DCDC2C: variants seen among roughly 807,000 people sequenced by gnomAD.
The protein encoded by DCDC2C is doublecortin domain containing 2C, also known as doublecortin domain-containing protein 2C.
DCDC2C carries 44 observed loss-of-function variants against 45.0 expected under a neutral mutation model. That is an observed-to-expected ratio of 0.98 (90% CI 0.77 to 1.26). The LOEUF (loss-of-function observed/expected upper bound fraction) is 1.26. DCDC2C is among the 50% of genes most tolerant of loss of function. The probability of loss-of-function intolerance (pLI) is 0.00; values close to 1 mark genes in which losing one functional copy is unlikely to be tolerated. For missense variants in DCDC2C, 447 were observed against 468.9 expected (o/e 0.95, Z 0.43); for synonymous variants, 187 against 178.8 (o/e 1.05, Z -0.37).
rs147553564 is a variant in DCDC2C at position 3,820,100 on chromosome 2, A to C, written c.1066-27054A>C. 5.5e-3 allele frequency among the ~76,000 whole-genome samples: 842 copies of C among 152,274 alleles called. 8 individuals are homozygous for C. Among genetic ancestry groups the C allele is most frequent in the African/African-American group, 0.019 (801 of 41,546 alleles). On this transcript the variant is annotated intron_variant, in intron 10 of 10. Coordinates refer to ENST00000399143, the MANE Select transcript of DCDC2C (RefSeq NM_001287444.2). ...TTGGGATGAGTTGCATTGGGAGCAG[A>C]GACTAGGGTGGGACCAATGTGTAAA...
intron 6 of DCDC2C, among the ~76,000 whole-genome samples, chr2:3,764,215 C>T (rs1669958804): frequency 6.6e-6 from 1 of 152,128 alleles, no homozygotes; most frequent in Admixed American, 6.5e-5. Context: ...TTAAACTGAG[C>T]AAAATTAAGA....
chr2:3,779,360 G>A (rs139539981), intron 9 of DCDC2C, among the ~76,000 whole-genome samples: 117 of 152,320 alleles, frequency 7.7e-4, no homozygotes, highest in African/African-American at 2.4e-3. Flanking sequence ...GGAAGCCAGC[G>A]CAGGACGCTT....
At chr2:3,762,288 T>C (rs1368252078) in intron 6 of DCDC2C, among the ~76,000 whole-genome samples, 3 of 151,812 alleles carry the variant, frequency 2.0e-5, no homozygotes, top group Non-Finnish European at 1.5e-5. Context: ...GAGAAATGGC[T>C]GTGTAAGTGG....
intron 10 of DCDC2C, among the ~76,000 whole-genome samples, chr2:3,829,369 A>C (rs888794411): frequency 1.2e-4 from 18 of 150,908 alleles, no homozygotes; most frequent in African/African-American, 3.2e-4. Context: ...TTATGATCAT[A>C]AATTAGCTTG....
intron 6 of DCDC2C, among the ~76,000 whole-genome samples, chr2:3,755,179 G>A (rs565670719): frequency 6.6e-6 from 1 of 151,728 alleles, no homozygotes; most frequent in Admixed American, 6.5e-5. Flanking sequence ...ATGGATGCAT[G>A]TGTGTGTATG....
At chr2:3,720,644 G>A (rs1026483026) in intron 2 of DCDC2C, among the ~76,000 whole-genome samples, 2 of 152,212 alleles carry the variant, frequency 1.3e-5, no homozygotes, top group African/African-American at 4.8e-5. Context: ...CATTCTCTAT[G>A]TCTGCTGAGA....
intron 10 of DCDC2C, among the ~76,000 whole-genome samples, chr2:3,796,924 A>G (rs912356033): frequency 3.9e-5 from 6 of 152,154 alleles, no homozygotes; most frequent in South Asian, 4.2e-4. Flanking sequence ...CTATTGATTG[A>G]AATAGTTTCA....
At chr2:3,804,173 G>A (rs79524785) in intron 10 of DCDC2C, among the ~76,000 whole-genome samples, 15,185 of 148,608 alleles carry the variant, frequency 0.1, 1,029 homozygotes, top group East Asian at 0.33. Flanking sequence ...CAGAGCCCTG[G>A]TCATAGAGTA....
chr2:3,704,288 G>A (rs1413608249), intron 1 of DCDC2C: 1 of 374,336 alleles, frequency 2.7e-6, no homozygotes, highest in Non-Finnish European at 4.7e-6. Context: ...CTGGCCGGCA[G>A]CGATTCAGGA....
intron 4 of DCDC2C, among the ~76,000 whole-genome samples, chr2:3,750,378 A>G (rs142731463): frequency 8.1e-4 from 123 of 151,996 alleles, no homozygotes; most frequent in Middle Eastern, 6.8e-3. Context: ...TCTCATAGCA[A>G]CTCCTGGATT....
chr2:3,708,441 G>C, intron 1 of DCDC2C, 108 bp from the exon 2 acceptor site: 1 of 763,292 alleles, frequency 1.3e-6, no homozygotes, highest in Non-Finnish European at 2.0e-6. Flanking sequence ...CCAAATTGCT[G>C]TGGGGTTGTA....
At chr2:3,762,146 G>T (rs1669895251) in intron 6 of DCDC2C, among the ~76,000 whole-genome samples, 2 of 133,666 alleles carry the variant, frequency 1.5e-5, no homozygotes, top group Admixed American at 8.0e-5. Context: ...CTTGATCCAT[G>T]TTTTCTTGCT....
intron 10 of DCDC2C, among the ~76,000 whole-genome samples, chr2:3,805,375 T>G (rs1671213193): frequency 6.6e-6 from 1 of 152,130 alleles, no homozygotes; most frequent in African/African-American, 2.4e-5. Flanking sequence ...TGACAGCGGA[T>G]AGGAGGAAAC....
intron 10 of DCDC2C, among the ~76,000 whole-genome samples, chr2:3,822,239 G>T (rs1313517210): frequency 6.6e-6 from 1 of 152,174 alleles, no homozygotes; most frequent in East Asian, 1.9e-4. Context: ...GAAGCCATTT[G>T]TGCTTAGCTT....
chr2:3,742,035 G>A lies in DCDC2C; in HGVS notation c.532G>A (p.Gly178Arg). 5 of 1,543,782 alleles carry A rather than the reference G, an allele frequency of 3.2e-6. No homozygotes were observed. Among genetic ancestry groups the A allele is most frequent in the East Asian group, 2.5e-5 (1 of 40,808 alleles). Residue 178 changes from glycine to arginine, a missense_variant, in exon 4 of 11, where the codon GGA becomes AGA. By Grantham distance (125) the Gly-to-Arg change is moderately radical. Transcript: ENST00000399143. The stretch of plus-strand genomic sequence containing the variant: ...GATCGGAGAAAAAGTCTTCCCTCTA[G>A]GAGGCGTTCGGAAGTAAGGAGACTC... The part of the protein sequence containing the change: ...ATIGEKVFPL[G>R]GVRKLFTMNG...
At chr2:3,799,057 G>C (rs918106452) in intron 10 of DCDC2C, among the ~76,000 whole-genome samples, 4 of 152,158 alleles carry the variant, frequency 2.6e-5, no homozygotes, top group African/African-American at 9.7e-5. Context: ...TTTCTTGGAG[G>C]CTTTGCTTGT....
chr2:3,805,169 G>C (rs1671208165), intron 10 of DCDC2C, among the ~76,000 whole-genome samples: 1 of 152,198 alleles, frequency 6.6e-6, no homozygotes, highest in Non-Finnish European at 1.5e-5. Context: ...GTGTGGTCAA[G>C]AGAAAGTGGA....
At chr2:3,730,042 C>T (rs949424507) in intron 3 of DCDC2C, among the ~76,000 whole-genome samples, 8 of 152,182 alleles carry the variant, frequency 5.3e-5, no homozygotes, top group Admixed American at 1.3e-4. Flanking sequence ...AGGGTCCAGC[C>T]GTTGCTTCCA....
chr2:3,759,213 G>A (rs755899931), intron 6 of DCDC2C, among the ~76,000 whole-genome samples: 6 of 152,182 alleles, frequency 3.9e-5, no homozygotes, highest in Non-Finnish European at 8.8e-5. Flanking sequence ...TGTCTCAGAA[G>A]AGTCAGACTC....
Sources: allele counts gnomAD v4.1 joint callset (sites outside exome capture counted in the v4.1 genomes callset), GRCh38; gene constraint gnomAD v4.1.1; transcripts MANE v1.5; gene names NCBI Gene and HGNC (gene_info 2026-07-23, HGNC 2026-07-21).